Variants in EFCAB6 observed in about 807,000 individuals in gnomAD.
The protein encoded by EFCAB6 is EF-hand calcium-binding domain-containing protein 6.
EFCAB6 carries 156 observed loss-of-function variants against 169.8 expected under a neutral mutation model. That is an observed-to-expected ratio of 0.92 (90% CI 0.81 to 1.05). EFCAB6 has a LOEUF of 1.05. Ranked by LOEUF, EFCAB6 falls within the 50% of genes least tolerant of loss-of-function variation. EFCAB6 has a pLI of 0.00. For missense variants in EFCAB6, 1,800 were observed against 1,829.1 expected (o/e 0.98, Z 0.29); for synonymous variants, 698 against 676.4 (o/e 1.03, Z -0.50).
chr22:43,585,827 T>C (rs1451859597), intron 24 of EFCAB6, among the ~76,000 whole-genome samples: 1 of 152,236 alleles, frequency 6.6e-6, no homozygotes, highest in Admixed American at 6.5e-5. Flanking sequence ...ATCAGGCTTC[T>C]TGCCAGAAAT....
At chr22:43,658,556 C>G (rs746929831) in intron 17 of EFCAB6, among the ~76,000 whole-genome samples, 7 of 152,154 alleles carry the variant, frequency 4.6e-5, no homozygotes, top group South Asian at 4.1e-4. Context: ...CGCAGGGGAT[C>G]GAAGCCCAGG....
intron 27 of EFCAB6, chr22:43,552,092 A>G (rs1474655194): frequency 6.6e-6 from 1 of 151,960 alleles, no homozygotes; most frequent in African/African-American, 2.4e-5. Flanking sequence ...CAGCCTCCCA[A>G]AATGCTGGGA....
intron 17 of EFCAB6, among the ~76,000 whole-genome samples, chr22:43,636,431 TG>T (rs2055402887): frequency 6.6e-6 from 1 of 152,024 alleles, no homozygotes; most frequent in Non-Finnish European, 1.5e-5. Flanking sequence ...AGGCACTGTG[TG>T]GGGCTCTGTA....
intron 15 of EFCAB6, among the ~76,000 whole-genome samples, chr22:43,671,248 C>G (rs938915978): frequency 7.9e-5 from 12 of 152,124 alleles, no homozygotes; most frequent in African/African-American, 2.7e-4. Context: ...GTTGCCCAGG[C>G]TGGAGTGCGA....
intron 17 of EFCAB6, among the ~76,000 whole-genome samples, chr22:43,649,284 A>AAAT (rs1259888294): frequency 3.3e-5 from 5 of 152,338 alleles, no homozygotes; most frequent in Non-Finnish European, 7.3e-5. Context: ...TCGCAGTGGC[A>AAAT]AATAATAATA....
chr22:43,550,107 G>A (rs535036441), intron 27 of EFCAB6, among the ~76,000 whole-genome samples: 5 of 152,282 alleles, frequency 3.3e-5, no homozygotes, highest in South Asian at 4.1e-4. Flanking sequence ...GGCAGGGGCC[G>A]GCAGAAGCAG....
chr22:43,794,656 A>G (rs2062432343), intron 2 of EFCAB6, among the ~76,000 whole-genome samples: 1 of 152,226 alleles, frequency 6.6e-6, no homozygotes, highest in Non-Finnish European at 1.5e-5. Context: ...CAACCTACTC[A>G]AGAGAACATG....
At chr22:43,671,792 A>G (rs1231623888) in intron 15 of EFCAB6, among the ~76,000 whole-genome samples, 181 bp downstream of exon 15, 2 of 152,214 alleles carry the variant, frequency 1.3e-5, no homozygotes, top group Admixed American at 6.5e-5. Flanking sequence ...GATAAGGACT[A>G]TATCATATAA....
In EFCAB6 at chr22:43,686,139, G is replaced by A. The variant is rs554771875; in HGVS notation, c.1142+1332C>T. ...TGGGATTACAGGCTTGCGCCACCAC[G>A]CCTGGCTAATTTTGTATTTTAGTAG... On this transcript the variant is annotated intron_variant, in intron 11 of 31. Coordinates refer to ENST00000262726, the MANE Select transcript of EFCAB6 (RefSeq NM_022785.4). Among the ~76,000 whole-genome samples, 390 of 152,116 alleles carry A rather than the reference G, an allele frequency of 2.6e-3. 3 individuals are homozygous for A. The highest frequency in any genetic ancestry group is 9.0e-3 in the African/African-American group (374 of 41,504).
chr22:43,802,827 A>C, intron 2 of EFCAB6: 1 of 429,348 alleles, frequency 2.3e-6, no homozygotes, highest in Non-Finnish European at 4.5e-6. Flanking sequence ...GTACAGTTTG[A>C]AATACTATTT....
intron 6 of EFCAB6, among the ~76,000 whole-genome samples, chr22:43,738,007 CACAT>C (rs1463017335): frequency 3.3e-5 from 5 of 151,160 alleles, no homozygotes; most frequent in Non-Finnish European, 7.4e-5. Flanking sequence ...CACACACATG[CACAT>C]ACACTCACAC....
intron 5 of EFCAB6, among the ~76,000 whole-genome samples, chr22:43,761,056 T>A (rs1833815082): frequency 6.6e-6 from 1 of 152,224 alleles, no homozygotes; most frequent in African/African-American, 2.4e-5. Flanking sequence ...GAGCCTGGGA[T>A]TACAGGCGTA....
chr22:43,583,600 TG>T (rs2050871169), intron 24 of EFCAB6, among the ~76,000 whole-genome samples: 2 of 35,080 alleles, frequency 5.7e-5, no homozygotes, highest in South Asian at 3.7e-3. Context: ...CCCAAGGTAA[TG>T]ACCTTTTAGC....
At chr22:43,718,063 C>CCACCCATCCATCCAT (rs2059395876) in intron 8 of EFCAB6, among the ~76,000 whole-genome samples, 5 of 131,914 alleles carry the variant, frequency 3.8e-5, no homozygotes, top group African/African-American at 1.2e-4. Context: ...CATCCATCCA[C>CCACCCATCCATCCAT]CCATCCATCC....
At chr22:43,682,948 A>C (rs1294255176) in intron 12 of EFCAB6, among the ~76,000 whole-genome samples, 1 of 152,184 alleles carries the variant, frequency 6.6e-6, no homozygotes, top group Non-Finnish European at 1.5e-5. Context: ...CACAGACAGC[A>C]AACCACAAAC....
chr22:43,588,006 CAT>C (rs1179524424), intron 24 of EFCAB6, among the ~76,000 whole-genome samples: 3 of 152,156 alleles, frequency 2.0e-5, no homozygotes, highest in Non-Finnish European at 4.4e-5. Context: ...TTACATGAGA[CAT>C]ATTTAAAAAT....
chr22:43,537,038 G>A lies in EFCAB6; in HGVS notation c.4048+339C>T, dbSNP rs12160915. ...GCCCCAGGAGTGTCCCCTTCATCCCGCCCTCCTCCACCTTTTCCATTTCCT... is the reference window on the plus strand; with the variant it reads ...GCCCCAGGAGTGTCCCCTTCATCCCACCCTCCTCCACCTTTTCCATTTCCT... On this transcript the variant is annotated intron_variant, in intron 29 of 31. Coordinates refer to ENST00000262726, the MANE Select transcript of EFCAB6 (RefSeq NM_022785.4). This position sits in a 1 kb window ranked among gnomAD's most constrained non-coding sequence, Gnocchi z 4.3. 4.7e-3 allele frequency: 956 copies of A among 201,470 alleles called. 17 individuals carry two copies. Among genetic ancestry groups the A allele is most frequent in the African/African-American group, 0.021 (903 of 43,500 alleles). 12.5% of individuals were successfully genotyped at this position (201,470 alleles called of 1,614,324 possible).
At chr22:43,637,993 G>A (rs1341246064) in intron 17 of EFCAB6, among the ~76,000 whole-genome samples, 1 of 152,192 alleles carries the variant, frequency 6.6e-6, no homozygotes, top group Non-Finnish European at 1.5e-5. Context: ...GGGCTGTGAG[G>A]TGCCAGGGAG....
intron 27 of EFCAB6, among the ~76,000 whole-genome samples, chr22:43,541,302 C>T (rs552802628): frequency 6.6e-6 from 1 of 152,180 alleles, no homozygotes; most frequent in Non-Finnish European, 1.5e-5. Context: ...TCAGAAGAAG[C>T]AGGGAGAGGT....
Sources: gnomAD v4.1 joint callset for allele counts (sites outside exome capture counted in the v4.1 genomes callset) on GRCh38, gnomAD v4.1.1 for gene constraint, Gnocchi (gnomAD v3.1) non-coding constraint, MANE v1.5 for transcripts, NCBI Gene and HGNC (gene_info 2026-07-23, HGNC 2026-07-21) for gene names.